Variants in MYO9B observed in about 807,000 individuals in gnomAD.
MYO9B encodes the protein unconventional myosin-IXb.
Under a neutral mutation model 229.5 loss-of-function variants are expected in MYO9B, and 71 were observed. That is an observed-to-expected ratio of 0.31 (90% CI 0.26 to 0.38). MYO9B has a LOEUF of 0.38. MYO9B is among the 10% of genes least tolerant of loss of function. The probability of loss-of-function intolerance (pLI) is 1.00; values close to 1 mark genes in which losing one functional copy is unlikely to be tolerated. For synonymous variants in MYO9B, 1,185 were observed against 1,235.8 expected, an observed-to-expected ratio of 0.96 and a Z score of 0.86; for missense variants, 2,255 against 2,920.5, an observed-to-expected ratio of 0.77 and a Z score of 5.25.
chr19:17,204,407 T>TC (rs2073138458), intron 30 of MYO9B, among the ~76,000 whole-genome samples: 2 of 149,876 alleles, frequency 1.3e-5, no homozygotes, highest in African/African-American at 2.5e-5. Flanking sequence ...GGCAAGGATG[T>TC]CACAGGTCCC....
chr19:17,105,319 CAAA>C (rs36000160), intron 2 of MYO9B, among the ~76,000 whole-genome samples: 1 of 71,656 alleles, frequency 1.4e-5, no homozygotes, highest in Non-Finnish European at 2.6e-5. Flanking sequence ...CTGTCTCTAC[CAAA>C]AAAAAAAAAA....
chr19:17,160,288 G>A (rs2072583918), intron 8 of MYO9B, among the ~76,000 whole-genome samples: 1 of 152,104 alleles, frequency 6.6e-6, no homozygotes, highest in African/African-American at 2.4e-5. Flanking sequence ...GACCCGAGCA[G>A]CACTGGTGTC....
intron 1 of MYO9B, among the ~76,000 whole-genome samples, chr19:17,089,588 A>G (rs2057617298): frequency 6.6e-6 from 1 of 152,028 alleles, no homozygotes; most frequent in Non-Finnish European, 1.5e-5. Flanking sequence ...ACATCCGGCC[A>G]CTGACCCCCA....
At chr19:17,175,359 C>T (rs1384409794) in intron 13 of MYO9B, among the ~76,000 whole-genome samples, 1 of 151,090 alleles carries the variant, frequency 6.6e-6, no homozygotes, top group East Asian at 1.9e-4. Context: ...CCAAGGTGGG[C>T]AGATCACCTG....
intron 2 of MYO9B, among the ~76,000 whole-genome samples, chr19:17,124,950 T>G (rs992838624): frequency 2.0e-5 from 3 of 151,872 alleles, no homozygotes; most frequent in Non-Finnish European, 1.5e-5. Flanking sequence ...ATGTCCTATC[T>G]CAAGCTGAGA....
At chr19:17,160,544 G>C (rs1319031482) in intron 8 of MYO9B, among the ~76,000 whole-genome samples, 2 of 128,998 alleles carry the variant, frequency 1.6e-5, no homozygotes, top group Non-Finnish European at 3.1e-5. Flanking sequence ...GCGTCTCACT[G>C]TTGCGCAGGC....
At chr19:17,148,242 CCTTGT>C (rs1264505371) in intron 3 of MYO9B, among the ~76,000 whole-genome samples, 13 of 152,324 alleles carry the variant, frequency 8.5e-5, no homozygotes, top group African/African-American at 2.4e-4. Flanking sequence ...TAAGCTGCCT[CCTTGT>C]CTTGTCTGGG....
chr19:17,138,469 G>A (rs1383247068), intron 2 of MYO9B, among the ~76,000 whole-genome samples: 1 of 152,068 alleles, frequency 6.6e-6, no homozygotes, highest in Non-Finnish European at 1.5e-5. Flanking sequence ...TCTAGATTTG[G>A]GGTTTCGCCA....
intron 1 of MYO9B, among the ~76,000 whole-genome samples, chr19:17,097,194 C>T (rs2057701435): frequency 1.3e-5 from 2 of 151,440 alleles, no homozygotes; most frequent in African/African-American, 4.9e-5. Flanking sequence ...GGTGGTGGGC[C>T]CCTGTAATCC....
chr19:17,110,547 G>A (rs566007466), intron 2 of MYO9B, among the ~76,000 whole-genome samples: 20 of 152,332 alleles, frequency 1.3e-4, no homozygotes, highest in Admixed American at 2.6e-4. Context: ...AGTCCAGGGG[G>A]CCAAAGGCTG....
chr19:17,102,105 A>G lies in MYO9B; in HGVS notation c.388A>G (p.Thr130Ala). 1 of 1,613,284 alleles carries G rather than the reference A, an allele frequency of 6.2e-7. No homozygotes were observed. The highest frequency in any genetic ancestry group is 8.5e-7 in the Non-Finnish European group (1 of 1,179,890). Reference protein sequence around the residue: ...YVHMQLVAQATATRRLVERGL... With the variant: ...YVHMQLVAQAAATRRLVERGL... ...GCATATGCAGCTGGTGGCGCAGGCC[A>G]CAGCCACCCGGCGCCTAGTGGAGCG... Residue 130 changes from threonine (T) to alanine (A), a missense_variant, in exon 2 of 40, where the codon ACA becomes GCA. Physicochemically the swap from Thr to Ala is moderately conservative, Grantham distance 58 (BLOSUM62 0). Transcript: ENST00000682292.
chr19:17,146,868 G>A (rs2072417625), intron 3 of MYO9B, among the ~76,000 whole-genome samples: 2 of 152,188 alleles, frequency 1.3e-5, no homozygotes, highest in African/African-American at 2.4e-5. Context: ...GTGTCAATGG[G>A]ATTTGTAAAG....
At chr19:17,150,762 G>A (rs952606772) in intron 3 of MYO9B, among the ~76,000 whole-genome samples, 1 of 141,390 alleles carries the variant, frequency 7.1e-6, no homozygotes. Flanking sequence ...TATGGAAGAG[G>A]AGTCCCTGAG....
At chr19:17,175,783 GGCA>G in intron 14 of MYO9B, 42 bp downstream of exon 14, 2 of 1,425,180 alleles carry the variant, frequency 1.4e-6, no homozygotes, top group Non-Finnish European at 1.9e-6. Context: ...ATCATTAGGT[GGCA>G]GCAGCATTGT....
intron 11 of MYO9B, among the ~76,000 whole-genome samples, chr19:17,170,069 T>A (rs1040788252): frequency 6.6e-5 from 10 of 151,032 alleles, no homozygotes; most frequent in Admixed American, 3.3e-4. Context: ...TGCTTAAAAA[T>A]TTTTTTTTGT....
chr19:17,212,484 CTGG>C lies in MYO9B; in HGVS notation c.*175_*177del. ...CAGAGTCAAGGCAGGGAGAGGCCGG[CTGG>C]AGCCAGGCCCCCTCGCACGCAGCCC... On this transcript the variant is annotated 3_prime_UTR_variant, in exon 40 of 40. Coordinates refer to ENST00000682292, the MANE Select transcript of MYO9B (RefSeq NM_004145.4). This position sits in a 1 kb window ranked among gnomAD's most constrained non-coding sequence, Gnocchi z 5.4. The C allele has an allele frequency of 2.7e-6, 2 of 754,120 alleles. No individual in the cohort carries two copies. Among genetic ancestry groups the C allele is most frequent in the Non-Finnish European group, 3.9e-6 (2 of 509,414 alleles). The allele number at this position is 754,120 out of a possible 1,614,324, so 46.7% of individuals were successfully genotyped here. A position where few individuals can be genotyped will look rare whatever the true frequency, so the allele number is the denominator to read the frequency against.
intron 37 of MYO9B, 30 bp downstream of exon 37, chr19:17,210,410 C>T (rs2073213796): frequency 1.3e-6 from 2 of 1,565,006 alleles, no homozygotes; most frequent in East Asian, 4.6e-5. Flanking sequence ...GCCCGCGGTG[C>T]ATGTCTCCCG....
intron 24 of MYO9B, among the ~76,000 whole-genome samples, chr19:17,199,741 G>A (rs527625005): frequency 9.6e-5 from 13 of 135,496 alleles, no homozygotes; most frequent in Non-Finnish European, 1.9e-4. Flanking sequence ...AAGGGGTTTC[G>A]CTATGTTGCC....
At chr19:17,086,019 A>C (rs2057579284) in intron 1 of MYO9B, among the ~76,000 whole-genome samples, 1 of 152,090 alleles carries the variant, frequency 6.6e-6, no homozygotes, top group African/African-American at 2.4e-5. Context: ...CCTGTGTCTC[A>C]TGGGCCTGAC....
Sources: gnomAD v4.1 joint callset for allele counts (sites outside exome capture counted in the v4.1 genomes callset) on GRCh38, gnomAD v4.1.1 for gene constraint, Gnocchi (gnomAD v3.1) non-coding constraint, MANE v1.5 for transcripts, NCBI Gene and HGNC (gene_info 2026-07-23, HGNC 2026-07-21) for gene names.